HOMEZ: variants seen among roughly 807,000 people sequenced by gnomAD.
HOMEZ encodes homeobox and leucine zipper protein Homez.
A neutral mutation model predicts 50.1 loss-of-function variants in HOMEZ; 20 were observed. The observed-to-expected ratio is 0.40, with a 90% CI of 0.28 to 0.58. HOMEZ has a LOEUF of 0.58. HOMEZ is among the 20% of genes least tolerant of loss of function. The pLI is 0.46. For synonymous variants in HOMEZ, 239 were observed against 254.7 expected (o/e 0.94, Z 0.59); for missense variants, 579 against 680.5 (o/e 0.85, Z 1.66).
intron 1 of HOMEZ, among the ~76,000 whole-genome samples, chr14:23,281,748 G>A (rs943177631): frequency 6.6e-6 from 1 of 151,324 alleles, no homozygotes. Context: ...CAGATGGTTT[G>A]AGCCCAGGAG....
intron 1 of HOMEZ, among the ~76,000 whole-genome samples, chr14:23,281,771 C>T (rs1886561163): frequency 6.7e-6 from 1 of 150,278 alleles, no homozygotes; most frequent in Non-Finnish European, 1.5e-5. Context: ...TGAGGCCAGC[C>T]TGGGCAACAT....
In HOMEZ at chr14:23,272,995, C is replaced by T. The variant is rs1200127484; in HGVS notation, c.*2580G>A. The T allele has an allele frequency of 3.1e-6, 2 of 648,242 alleles. No individual in the cohort carries two copies. Among genetic ancestry groups the T allele is most frequent in the East Asian group, 6.0e-5 (2 of 33,348 alleles). 40.2% of individuals were successfully genotyped at this position (648,242 alleles called of 1,614,324 possible). The stretch of plus-strand genomic sequence containing the variant: ...TGGAAAATGTATCCCTGCATTGTTT[C>T]CTAGTTTCACTCTGTACCTTATGCT... On this transcript the variant is annotated 3_prime_UTR_variant, in exon 2 of 2. Coordinates refer to ENST00000357460, the MANE Select transcript of HOMEZ (RefSeq NM_020834.3).
chr14:23,279,518 G>GA (rs1366576337), intron 1 of HOMEZ, among the ~76,000 whole-genome samples: 2 of 152,192 alleles, frequency 1.3e-5, no homozygotes, highest in Non-Finnish European at 2.9e-5. Flanking sequence ...TCAGGGTGGA[G>GA]AATGAGTCAG....
At position 23,277,124 on chromosome 14, in the gene HOMEZ, C is replaced by T; in HGVS notation, c.104G>A (p.Ser35Asn). The T allele has an allele frequency of 6.2e-7, 1 of 1,613,310 alleles. No individual in the cohort carries two copies. The highest frequency in any genetic ancestry group is 8.5e-7 in the Non-Finnish European group (1 of 1,179,508). The stretch of plus-strand genomic sequence containing the variant: ...GCAGATGAGCCCCGCTGGTGAACTA[C>T]TGAGACCGCTGGCCTCTTTATTAGG... ...MPPNKEASGL[S>N]SSPAGLICLP... Residue 35 changes from serine (S) to asparagine (N), a missense_variant, in exon 2 of 2, where the codon AGT (serine) becomes AAT (asparagine). Physicochemically the swap from Ser to Asn is conservative, Grantham distance 46 (BLOSUM62 1). Transcript: ENST00000357460.
intron 1 of HOMEZ, among the ~76,000 whole-genome samples, chr14:23,283,752 G>A (rs546323136): frequency 2.8e-4 from 42 of 152,056 alleles, no homozygotes; most frequent in African/African-American, 9.7e-4. Flanking sequence ...AAAATTAGCC[G>A]GGCATGGTGG....
rs377637784 is a variant in HOMEZ, at chr14:23,277,181, G to A, written c.47C>T (p.Ser16Phe). The change falls in exon 2 of 2, where the codon TCT becomes TTT. Residue 16 changes from serine (S) to phenylalanine (F), a missense_variant. Ser to Phe is a radical substitution (Grantham distance 155). Transcript: ENST00000357460. ...EPPPGLDCAI[S>F]EGHKSEGTMP... Reference sequence around the variant, plus strand: ...GGTGCCTTCTGATTTGTGCCCTTCAGAGATAGCTGCAATAAGAAGACAAAC... The same window carrying A: ...GGTGCCTTCTGATTTGTGCCCTTCAAAGATAGCTGCAATAAGAAGACAAAC... 208 of 1,560,622 alleles carry A rather than the reference G, an allele frequency of 1.3e-4. No homozygotes were observed. The highest frequency in any genetic ancestry group is 3.2e-4 in the Admixed American group (16 of 50,310).
intron 1 of HOMEZ, among the ~76,000 whole-genome samples, chr14:23,281,898 G>A (rs913043424): frequency 6.6e-6 from 1 of 151,838 alleles, no homozygotes; most frequent in Non-Finnish European, 1.5e-5. Flanking sequence ...GGAGGCTGAG[G>A]TGGGAGGATT....
rs1886202037 is a variant in HOMEZ, at chr14:23,272,771, C to A, written c.*2804G>T. ...ACAACAGGTCAGAGAGACTTGCTTG[C>A]CCTTTTTGCTGTTATAAACACCCAC... On this transcript the variant is annotated 3_prime_UTR_variant, in exon 2 of 2. Coordinates refer to ENST00000357460, the MANE Select transcript of HOMEZ (RefSeq NM_020834.3). 2.6e-6 allele frequency: 3 copies of A among 1,151,566 alleles called. No individual in the cohort carries two copies. The highest frequency in any genetic ancestry group is 1.3e-5 in the South Asian group (1 of 76,222). The allele number at this position is 1,151,566 out of a possible 1,614,324, so 71.3% of individuals were successfully genotyped here.
intron 1 of HOMEZ, 64 bp downstream of exon 1, chr14:23,285,849 C>A: frequency 1.1e-6 from 1 of 947,120 alleles, no homozygotes; most frequent in East Asian, 3.3e-5. Context: ...GGGGATGGGG[C>A]TCCAGAGGTG....
intron 1 of HOMEZ, among the ~76,000 whole-genome samples, chr14:23,282,253 A>G (rs1886572581): frequency 6.6e-6 from 1 of 152,150 alleles, no homozygotes. Flanking sequence ...CGATGAGGAA[A>G]CCAGTGTATC....
intron 1 of HOMEZ, chr14:23,285,457 AG>A (rs1399885061): frequency 6.5e-6 from 1 of 153,690 alleles, no homozygotes; most frequent in Non-Finnish European, 1.4e-5. Context: ...TCATTCCCAA[AG>A]GCCACTGATC....
rs1441988098 is a variant in HOMEZ at position 23,276,603 on chromosome 14, C to T, written c.625G>A (p.Gly209Ser). The T allele has an allele frequency of 2.5e-6, 4 of 1,613,888 alleles. No individual in the cohort carries two copies. In the East Asian group the frequency reaches 8.9e-5, roughly 36 times the overall value. Residue 209 changes from glycine (G) to serine (S), a missense_variant, in exon 2 of 2, where the codon GGC becomes AGC. Transcript: ENST00000357460. This position sits in a 1 kb window ranked among gnomAD's most constrained non-coding sequence, Gnocchi z 4.1. ...GATTGGTAGGGGAATGCTCCACTGC[C>T]AGGTGTCATCAGGGACTCCTTTAAT... is the stretch of plus-strand genomic sequence containing the variant. Reference protein sequence around the residue: ...QKLKESLMTPGSGAFPYQSDF... With the variant: ...QKLKESLMTPSSGAFPYQSDF...
At position 23,273,878 on chromosome 14, in the gene HOMEZ, T is replaced by C. The variant is rs1252231326; in HGVS notation, c.*1697A>G. ...ATCATTTGATGGCTGAGAAACAACC[T>C]GGCTGGCGATAGATGCTGAACTACT... is the stretch of plus-strand genomic sequence containing the variant. On this transcript the variant is annotated 3_prime_UTR_variant, in exon 2 of 2. Transcript: ENST00000357460. 1 of 152,614 alleles carries C rather than the reference T, an allele frequency of 6.6e-6. No individual in the cohort carries two copies. The highest frequency in any genetic ancestry group is 2.4e-5 in the African/African-American group (1 of 41,472). 9.5% of individuals were successfully genotyped at this position (152,614 alleles called of 1,614,324 possible).
At position 23,275,279 on chromosome 14, in the gene HOMEZ, GAC is replaced by G; in HGVS notation, c.*294_*295del. On this transcript the variant is annotated 3_prime_UTR_variant, in exon 2 of 2. Coordinates refer to ENST00000357460, the MANE Select transcript of HOMEZ (RefSeq NM_020834.3). ...AGTACACCAAGGGAAAAAAACAGCA[GAC>G]ACGAGGAGAGCAAGAGCAGCTTCCC... The G allele has an allele frequency of 2.5e-6, 1 of 402,496 alleles. No individual in the cohort carries two copies. Among genetic ancestry groups the G allele is most frequent in the African/African-American group, 2.1e-5 (1 of 48,328 alleles). 24.9% of individuals were successfully genotyped at this position (402,496 alleles called of 1,614,324 possible). A position where few individuals can be genotyped will look rare whatever the true frequency, so the allele number is the denominator to read the frequency against.
At chr14:23,282,696 G>A (rs1460973346) in intron 1 of HOMEZ, among the ~76,000 whole-genome samples, 2 of 152,230 alleles carry the variant, frequency 1.3e-5, no homozygotes, top group Non-Finnish European at 2.9e-5. Context: ...GGGAATATAA[G>A]GCAGGCACAT....
rs1886311450 is a variant in HOMEZ, at chr14:23,275,076, AAG to A, written c.*497_*498del. 6.5e-6 allele frequency: 1 copy of A among 153,810 alleles called. No homozygotes were observed. Among genetic ancestry groups the A allele is most frequent in the Admixed American group, 6.5e-5 (1 of 15,324 alleles). 9.5% of individuals were successfully genotyped at this position (153,810 alleles called of 1,614,324 possible). On this transcript the variant is annotated 3_prime_UTR_variant, in exon 2 of 2. Coordinates refer to ENST00000357460, the MANE Select transcript of HOMEZ (RefSeq NM_020834.3). ...AATGATCAGTTACTAAGAAAAAAGT[AAG>A]AGAGTCAGTTGCATTACGCACAGAC...
At chr14:23,283,863 C>G (rs1886607688) in intron 1 of HOMEZ, among the ~76,000 whole-genome samples, 1 of 152,106 alleles carries the variant, frequency 6.6e-6, no homozygotes, top group East Asian at 1.9e-4. Context: ...TCACTGTACT[C>G]CAGCCTGGGG....
intron 1 of HOMEZ, among the ~76,000 whole-genome samples, chr14:23,284,646 A>T (rs897120709): frequency 4.6e-5 from 7 of 152,222 alleles, no homozygotes; most frequent in Admixed American, 2.6e-4. Flanking sequence ...ACTGATTTTT[A>T]AAAAATTGCT....
chr14:23,272,459 T>A lies in HOMEZ; in HGVS notation c.*3116A>T. The A allele has an allele frequency of 4.0e-6, 1 of 248,006 alleles. No homozygotes were observed. The highest frequency in any genetic ancestry group is 7.9e-6 in the Non-Finnish European group (1 of 126,152). The allele number at this position is 248,006 out of a possible 1,614,324, so 15.4% of individuals were successfully genotyped here. On this transcript the variant is annotated 3_prime_UTR_variant, in exon 2 of 2. Coordinates refer to ENST00000357460, the MANE Select transcript of HOMEZ (RefSeq NM_020834.3). Reference sequence around the variant, plus strand: ...AAACAAACAAACAAACAACCGAAAATGTGAAAAAATTTTAAAGTTATTGAA... The same window carrying A: ...AAACAAACAAACAAACAACCGAAAAAGTGAAAAAATTTTAAAGTTATTGAA...
Sources: allele counts gnomAD v4.1 joint callset (sites outside exome capture counted in the v4.1 genomes callset), GRCh38; gene constraint gnomAD v4.1.1; non-coding constraint Gnocchi (gnomAD v3.1); transcripts MANE v1.5; gene names NCBI Gene and HGNC (gene_info 2026-07-23, HGNC 2026-07-21).